Variants in C12orf42 observed in about 807,000 individuals in gnomAD.
C12orf42 encodes chromosome 12 open reading frame 42, also known as uncharacterized protein C12orf42.
In C12orf42, 25 loss-of-function variants were observed where a neutral mutation model predicts 21.6. The ratio of observed to expected loss-of-function variants is 1.16; its 90% CI spans 0.84 to 1.62. The LOEUF is 1.62. Among genes scored for constraint, C12orf42 ranks in the 40% most tolerant of loss-of-function variants. The pLI, the probability that C12orf42 is intolerant of heterozygous loss-of-function variation, is 0.00. For synonymous variants in C12orf42, 174 were observed against 175.0 expected, an observed-to-expected ratio of 0.99 and a Z score of 0.05; for missense variants, 483 against 459.3, an observed-to-expected ratio of 1.05 and a Z score of -0.47.
chr12:103,081,039 T>C, the C12orf42 span: 1 of 152,216 alleles, frequency 6.6e-6, no homozygotes, highest in African/African-American at 2.4e-5. Flanking sequence ...TTCTGATTAC[T>C]ACGTCTTAAG....
At chr12:103,074,666 A>G in the C12orf42 span, among the ~76,000 whole-genome samples, 1 of 152,216 alleles carries the variant, frequency 6.6e-6, no homozygotes, top group East Asian at 1.9e-4. Context: ...CCTGGAATGA[A>G]AGTAGATAAT....
At chr12:103,392,634 T>C (rs2047171894) in intron 3 of C12orf42, among the ~76,000 whole-genome samples, 1 of 152,250 alleles carries the variant, frequency 6.6e-6, no homozygotes, top group African/African-American at 2.4e-5. Context: ...AGGTTGTTTA[T>C]TGCTAGTGCA....
chr12:103,542,100 A>C, the C12orf42 span, among the ~76,000 whole-genome samples: 1 of 152,252 alleles, frequency 6.6e-6, no homozygotes, highest in Non-Finnish European at 1.5e-5. Flanking sequence ...AATGACTTGC[A>C]TTGAGGAGCA....
downstream of C12orf42, among the ~76,000 whole-genome samples, chr12:103,264,656 C>T (rs1010308917): frequency 3.9e-5 from 6 of 152,228 alleles, no homozygotes; most frequent in East Asian, 1.9e-4. Context: ...TTTTATCTTT[C>T]GGCTTGAGTG....
the C12orf42 span, among the ~76,000 whole-genome samples, chr12:103,057,835 C>T: frequency 7.2e-5 from 11 of 152,092 alleles, no homozygotes; most frequent in Non-Finnish European, 1.3e-4. Flanking sequence ...AAAGCATTCC[C>T]ACTTCTCCAT....
chr12:103,316,128 C>G (rs1052363044), intron 4 of C12orf42, among the ~76,000 whole-genome samples: 1 of 150,022 alleles, frequency 6.7e-6, no homozygotes, highest in African/African-American at 2.4e-5. Context: ...CACACACACA[C>G]AGTACTATAT....
At chr12:103,352,638 A>G (rs938065723) in intron 4 of C12orf42, among the ~76,000 whole-genome samples, 3 of 152,180 alleles carry the variant, frequency 2.0e-5, no homozygotes, top group African/African-American at 7.2e-5. Flanking sequence ...TGGGAAGATG[A>G]ATCTAATTGT....
downstream of C12orf42, among the ~76,000 whole-genome samples, chr12:103,263,590 G>A (rs1026622404): frequency 6.6e-6 from 1 of 152,178 alleles, no homozygotes; most frequent in Non-Finnish European, 1.5e-5. Flanking sequence ...AGCCCTACAT[G>A]CTCCTGGCAA....
chr12:103,123,621 G>A, the C12orf42 span, among the ~76,000 whole-genome samples: 2 of 152,276 alleles, frequency 1.3e-5, no homozygotes, highest in South Asian at 4.1e-4. Context: ...TTAGCCACCT[G>A]TGGCTATTGT....
chr12:103,433,150 C>G (rs1277483310), intron 2 of C12orf42, among the ~76,000 whole-genome samples: 1 of 152,188 alleles, frequency 6.6e-6, no homozygotes, highest in Non-Finnish European at 1.5e-5. Flanking sequence ...TGTGTCCGAG[C>G]ACCTAGCACA....
rs1181589648 is a variant in C12orf42 at position 103,241,082 on chromosome 12, G to T, written c.*1367-3180C>A. On this transcript the variant is annotated intron_variant and NMD_transcript_variant, in intron 10 of 10. Coordinates refer to the C12orf42 transcript ENST00000547347. Reference sequence around the variant, plus strand: ...CTATTAACCTACATTTTTAGAAAAAGAGGGCATACTTATTGACAAAGAAGT... The same window carrying T: ...CTATTAACCTACATTTTTAGAAAAATAGGGCATACTTATTGACAAAGAAGT... 4.6e-5 allele frequency among the ~76,000 whole-genome samples: 7 copies of T among 151,180 alleles called. No homozygotes were observed. In the East Asian group the frequency reaches 1.2e-3, roughly 25 times the overall value.
At chr12:103,455,758 A>G (rs961372379) in intron 2 of C12orf42, among the ~76,000 whole-genome samples, 1 of 152,204 alleles carries the variant, frequency 6.6e-6, no homozygotes, top group Non-Finnish European at 1.5e-5. Context: ...CAGGCTTAGA[A>G]TAAGTATTTC....
chr12:103,176,453 C>T, the C12orf42 span, among the ~76,000 whole-genome samples: 12 of 152,132 alleles, frequency 7.9e-5, no homozygotes, highest in Admixed American at 2.6e-4. Flanking sequence ...TAATAATGCA[C>T]ATAAGGGTTT....
chr12:103,150,723 C>T, the C12orf42 span, among the ~76,000 whole-genome samples: 1 of 152,118 alleles, frequency 6.6e-6, no homozygotes, highest in Admixed American at 6.5e-5. Context: ...AGAAAATTCA[C>T]TTATGGATCA....
intron 2 of C12orf42, among the ~76,000 whole-genome samples, chr12:103,471,153 T>A (rs568556594): frequency 5.6e-4 from 86 of 152,332 alleles, no homozygotes; most frequent in African/African-American, 1.9e-3. Flanking sequence ...GCTACCAGTG[T>A]CCCCATCATT....
the C12orf42 span, among the ~76,000 whole-genome samples, chr12:103,545,785 C>A: frequency 3.9e-5 from 6 of 152,168 alleles, no homozygotes; most frequent in Non-Finnish European, 7.3e-5. Flanking sequence ...ACCACTTCTG[C>A]TGCATCATTC....
At position 103,350,600 on chromosome 12, in the gene C12orf42, C is replaced by T. The variant is rs979601983; in HGVS notation, c.259+18287G>A. On this transcript the variant is annotated intron_variant, in intron 4 of 5. Transcript: ENST00000548883. Reference sequence around the variant, plus strand: ...GAGAAAACATAGTATATATAGGATCCGGTATTATCCATAGTTTCAGTCGTC... The same window carrying T: ...GAGAAAACATAGTATATATAGGATCTGGTATTATCCATAGTTTCAGTCGTC... 5.9e-5 allele frequency among the ~76,000 whole-genome samples: 9 copies of T among 152,124 alleles called. 1 individual carries two copies. Among genetic ancestry groups the T allele is most frequent in the East Asian group, 3.9e-4 (2 of 5,172 alleles).
the C12orf42 span, among the ~76,000 whole-genome samples, chr12:103,507,358 T>C: frequency 7.5e-6 from 1 of 133,204 alleles, no homozygotes; most frequent in Non-Finnish European, 1.5e-5. Context: ...CCAATAGGGA[T>C]TGGGCAGGGG....
chr12:103,072,188 A>G, the C12orf42 span, among the ~76,000 whole-genome samples: 5 of 152,082 alleles, frequency 3.3e-5, no homozygotes, highest in African/African-American at 1.2e-4. Context: ...GGCTTTGAAC[A>G]TTTGCTTCTT....
Sources: allele counts gnomAD v4.1 joint callset (sites outside exome capture counted in the v4.1 genomes callset), GRCh38; gene constraint gnomAD v4.1.1; transcripts MANE v1.5; gene names NCBI Gene and HGNC (gene_info 2026-07-23, HGNC 2026-07-21).